The following ARHGAP35 variants were observed in gnomAD, a reference collection of about 807,000 sequenced individuals.
The protein encoded by ARHGAP35 is Rho GTPase activating protein 35.
A neutral mutation model predicts 111.1 loss-of-function variants in ARHGAP35; 15 were observed. The observed-to-expected ratio is 0.13, with a 90% CI of 0.09 to 0.21. The LOEUF is 0.21. Among genes scored for constraint, ARHGAP35 ranks in the 10% least tolerant of loss-of-function variants. The pLI is 1.00. For synonymous variants in ARHGAP35, 643 were observed against 710.3 expected (o/e 0.91, Z 1.51); for missense variants, 1,262 against 1,873.0 (o/e 0.67, Z 6.02).
chr19:46,936,297 C>T (rs1288850001), intron 2 of ARHGAP35, among the ~76,000 whole-genome samples: 1 of 152,102 alleles, frequency 6.6e-6, no homozygotes, highest in Non-Finnish European at 1.5e-5. Flanking sequence ...AGTAAGTTCT[C>T]AAGTGGTTGC....
intron 5 of ARHGAP35, among the ~76,000 whole-genome samples, chr19:46,990,477 G>A (rs1412893506): frequency 6.6e-6 from 1 of 152,202 alleles, no homozygotes; most frequent in Non-Finnish European, 1.5e-5. Flanking sequence ...CCTGCTTTGT[G>A]CCTCTGGCAG....
chr19:46,987,930 C>G, intron 3 of ARHGAP35, 59 bp from the exon 4 acceptor site: 1 of 1,547,596 alleles, frequency 6.5e-7, no homozygotes, highest in South Asian at 1.1e-5. Flanking sequence ...TCGAGCCCAG[C>G]CCTCCTCATT....
In ARHGAP35 at chr19:46,986,673, A is replaced by C. The variant is rs1309452180; in HGVS notation, c.3827-1316A>C. On this transcript the variant is annotated intron_variant, in intron 3 of 6. Coordinates refer to ENST00000672722, the MANE Select transcript of ARHGAP35 (RefSeq NM_004491.5). This position sits in a 1 kb window ranked among gnomAD's most constrained non-coding sequence, Gnocchi z 4.3. Reference sequence around the variant, plus strand: ...ATATATAACGTTGATATAATTACTTAATATTCATAGACTTTCTCAAGTTCA... The same window carrying C: ...ATATATAACGTTGATATAATTACTTCATATTCATAGACTTTCTCAAGTTCA... Among the ~76,000 whole-genome samples the C allele has an allele frequency of 6.6e-6, 1 of 152,252 alleles. No individual in the cohort carries two copies. Among genetic ancestry groups the C allele is most frequent in the Non-Finnish European group, 1.5e-5 (1 of 68,044 alleles).
intron 1 of ARHGAP35, among the ~76,000 whole-genome samples, chr19:46,866,384 G>A (rs2055857221): frequency 6.6e-6 from 1 of 152,156 alleles, no homozygotes; most frequent in Admixed American, 6.5e-5. Flanking sequence ...GCTGGCATAG[G>A]GCATTGTGAC....
chr19:46,873,578 C>T (rs1196752249), intron 1 of ARHGAP35, among the ~76,000 whole-genome samples: 1 of 147,820 alleles, frequency 6.8e-6, no homozygotes, highest in African/African-American at 2.5e-5. Context: ...GTGGAGGTTG[C>T]AGTGAGCTGA....
At chr19:46,954,227 A>C (rs960635184) in intron 3 of ARHGAP35, among the ~76,000 whole-genome samples, 4 of 152,136 alleles carry the variant, frequency 2.6e-5, no homozygotes, top group African/African-American at 9.7e-5. Flanking sequence ...AGTCTGTGGT[A>C]TTTTGTTATG....
chr19:46,905,963 C>T (rs965982866), intron 1 of ARHGAP35, among the ~76,000 whole-genome samples: 1 of 151,638 alleles, frequency 6.6e-6, no homozygotes, highest in African/African-American at 2.4e-5. Context: ...GGATTACAGG[C>T]GTGAGCCACC....
At chr19:46,964,056 C>T (rs369545137) in intron 3 of ARHGAP35, among the ~76,000 whole-genome samples, 11 of 151,696 alleles carry the variant, frequency 7.3e-5, no homozygotes, top group Admixed American at 4.6e-4. Flanking sequence ...TTAGTAGAGA[C>T]GGGGTTTCAC....
intron 1 of ARHGAP35, among the ~76,000 whole-genome samples, chr19:46,882,581 C>T (rs758118148): frequency 6.6e-5 from 10 of 152,150 alleles, no homozygotes; most frequent in Non-Finnish European, 1.2e-4. Flanking sequence ...GTTTGCTGCA[C>T]CTATCGACCT....
At chr19:46,880,793 A>C (rs1007927713) in intron 1 of ARHGAP35, among the ~76,000 whole-genome samples, 1 of 151,864 alleles carries the variant, frequency 6.6e-6, no homozygotes, top group Non-Finnish European at 1.5e-5. Flanking sequence ...CTCCTGCCTC[A>C]GCCTACCGAG....
chr19:46,888,377 A>C (rs2056006900), intron 1 of ARHGAP35, among the ~76,000 whole-genome samples: 1 of 136,280 alleles, frequency 7.3e-6, no homozygotes, highest in African/African-American at 2.7e-5. Context: ...CCACAACAAG[A>C]AGTAAGGCTC....
chr19:46,949,174 T>C (rs1350899706), intron 3 of ARHGAP35: 1 of 151,898 alleles, frequency 6.6e-6, no homozygotes, highest in Non-Finnish European at 1.5e-5. Flanking sequence ...AAAAAAAAAT[T>C]ATCAGATGGT....
At chr19:46,943,904 G>A (rs2056363680) in intron 3 of ARHGAP35, among the ~76,000 whole-genome samples, 1 of 152,176 alleles carries the variant, frequency 6.6e-6, no homozygotes, top group Non-Finnish European at 1.5e-5. Flanking sequence ...GAGAAGATGA[G>A]CGAGACCAAA....
At chr19:46,944,752 A>G (rs1360708859) in intron 3 of ARHGAP35, among the ~76,000 whole-genome samples, 1 of 152,184 alleles carries the variant, frequency 6.6e-6, no homozygotes, top group Non-Finnish European at 1.5e-5. Context: ...GATCACAAGA[A>G]AAAAGATCAT....
At chr19:46,865,660 T>C (rs1469552762) in intron 1 of ARHGAP35, among the ~76,000 whole-genome samples, 1 of 152,152 alleles carries the variant, frequency 6.6e-6, no homozygotes, top group African/African-American at 2.4e-5. Context: ...CAGGTCAATA[T>C]AGTTGGAGAT....
intron 1 of ARHGAP35, among the ~76,000 whole-genome samples, chr19:46,861,768 GTC>G (rs1399118419): frequency 6.6e-6 from 1 of 151,914 alleles, no homozygotes; most frequent in Admixed American, 6.6e-5. Flanking sequence ...TATTATTCCT[GTC>G]TCAGAATCTG....
In ARHGAP35 at chr19:46,920,020, G is replaced by A; in HGVS notation, c.1345G>A (p.Gly449Arg). The change falls in exon 2 of 7, where the codon GGA becomes AGA. Residue 449 changes from glycine (G) to arginine (R), a missense_variant. By Grantham distance (125) the Gly-to-Arg change is moderately radical. This residue lies in a region of ARHGAP35 where 328 missense variants were observed against 440.8 expected (regional missense o/e 0.74). Transcript: ENST00000672722. The surrounding 1 kb of genome is among the most constrained non-coding windows in gnomAD (Gnocchi z 7.0). ...GGAGACTTCTCCTTTCATAACTCCC[G>A]GAAAGCCTTGGGAAGAGGCCCGTAG... ...NLETSPFITP[G>R]KPWEEARSFI... 2 of 1,613,918 alleles carry A rather than the reference G, an allele frequency of 1.2e-6. No homozygotes were observed. Among genetic ancestry groups the A allele is most frequent in the Non-Finnish European group, 1.7e-6 (2 of 1,179,882 alleles).
At position 47,004,112 on chromosome 19, in the gene ARHGAP35, C is replaced by T. The variant is rs1384862859; in HGVS notation, c.*3424C>T. 6.6e-6 allele frequency: 1 copy of T among 150,728 alleles called. No homozygotes were observed. Among genetic ancestry groups the T allele is most frequent in the Non-Finnish European group, 1.5e-5 (1 of 67,668 alleles). The allele number at this position is 150,728 out of a possible 1,614,324, so 9.3% of individuals were successfully genotyped here. On this transcript the variant is annotated 3_prime_UTR_variant, in exon 7 of 7. Coordinates refer to ENST00000672722, the MANE Select transcript of ARHGAP35 (RefSeq NM_004491.5). ...GCCCCTGCCGCGCGGGGGGCTGGGT[C>T]TGGTTGAGTCGCTGCTTTCCCGAGG...
chr19:46,868,291 AT>A (rs1435777512), intron 1 of ARHGAP35, among the ~76,000 whole-genome samples: 2 of 152,186 alleles, frequency 1.3e-5, no homozygotes, highest in African/African-American at 4.8e-5. Context: ...AAATTTGTTT[AT>A]TTTATTAGGC....
Sources: allele counts gnomAD v4.1 joint callset (sites outside exome capture counted in the v4.1 genomes callset), GRCh38; gene constraint gnomAD v4.1.1; regional missense constraint gnomAD v4.1.1; non-coding constraint Gnocchi (gnomAD v3.1); transcripts MANE v1.5; gene names NCBI Gene and HGNC (gene_info 2026-07-23, HGNC 2026-07-21).